Variants in RECQL5 observed in about 807,000 individuals in gnomAD.
RECQL5 encodes RecQ like helicase 5.
RECQL5 carries 88 observed loss-of-function variants against 103.4 expected under a neutral mutation model. The observed-to-expected ratio is 0.85, with a 90% CI of 0.72 to 1.02. The LOEUF is 1.02. Among genes scored for constraint, RECQL5 ranks in the 50% least tolerant of loss-of-function variants. The pLI, the probability that RECQL5 is intolerant of heterozygous loss-of-function variation, is 0.00. For missense variants in RECQL5, 1,232 were observed against 1,284.3 expected (o/e 0.96, Z 0.62); for synonymous variants, 552 against 507.9 (o/e 1.09, Z -1.17).
At chr17:75,655,396 C>G (rs1245188609) in intron 7 of RECQL5, among the ~76,000 whole-genome samples, 1 of 149,098 alleles carries the variant, frequency 6.7e-6, no homozygotes, top group Admixed American at 6.7e-5. Context: ...CAGAGTCTCG[C>G]TCTATCACCC....
intron 8 of RECQL5, chr17:75,650,572 G>A: frequency 6.4e-7 from 1 of 1,557,454 alleles, no homozygotes; most frequent in Non-Finnish European, 8.7e-7. Context: ...TCCATGAGAT[G>A]AGATGAATCC....
At chr17:75,644,828 C>CAA (rs61339782) in intron 8 of RECQL5, among the ~76,000 whole-genome samples, 3,564 of 136,394 alleles carry the variant, frequency 0.026, 73 homozygotes, top group African/African-American at 0.06. Context: ...GACTCTGCCT[C>CAA]AAAAAAAAAA....
At chr17:75,653,678 C>A (rs2059582401) in intron 7 of RECQL5, among the ~76,000 whole-genome samples, 1 of 152,090 alleles carries the variant, frequency 6.6e-6, no homozygotes, top group Non-Finnish European at 1.5e-5. Flanking sequence ...GTAGGTGGAT[C>A]ACTTGAGGTC....
At chr17:75,635,936 A>G (rs2148264398) in intron 8 of RECQL5, 2 of 866,618 alleles carry the variant, frequency 2.3e-6, no homozygotes, top group Non-Finnish European at 2.8e-6. Context: ...GGCCTGCGGG[A>G]TGCCTGCCTG....
chr17:75,633,822 T>C (rs1255461974), intron 8 of RECQL5: 23 of 1,005,082 alleles, frequency 2.3e-5, no homozygotes, highest in Non-Finnish European at 2.7e-5. Context: ...GACTTCTTTC[T>C]TCAGCTCCCA....
chr17:75,633,089 C>A (rs986803229), intron 8 of RECQL5, among the ~76,000 whole-genome samples: 3 of 152,246 alleles, frequency 2.0e-5, no homozygotes, highest in African/African-American at 7.2e-5. Flanking sequence ...GCCGAGGCGG[C>A]CACCAGAGGG....
At position 75,629,351 on chromosome 17, in the gene RECQL5, T is replaced by C. The variant is rs747712708; in HGVS notation, c.2072A>G (p.His691Arg). ...GCCACAGGGCCGGCTCGGGGGCTCG[T>C]GCTCGCCTCCCCGCTCGGGCTGGGG... ...QAPQPERGGEHEPPSRPCGLL... is the reference protein window; with the variant it reads ...QAPQPERGGEREPPSRPCGLL... Residue 691 changes from histidine to arginine, a missense_variant, in exon 16 of 20, where the codon CAC becomes CGC. Coordinates refer to ENST00000317905, the MANE Select transcript of RECQL5 (RefSeq NM_004259.7). 2.6e-6 allele frequency: 4 copies of C among 1,514,462 alleles called. No homozygotes were observed. In the Admixed American group the frequency reaches 8.9e-5, roughly 34 times the overall value. 93.8% of individuals were successfully genotyped at this position (1,514,462 alleles called of 1,614,324 possible).
At chr17:75,663,307 C>A (rs760268243) in intron 3 of RECQL5, among the ~76,000 whole-genome samples, 1 of 151,892 alleles carries the variant, frequency 6.6e-6, no homozygotes, top group Non-Finnish European at 1.5e-5. Context: ...ATACATATAG[C>A]CTAGATGTAA....
intron 7 of RECQL5, among the ~76,000 whole-genome samples, chr17:75,654,625 A>T (rs2059594447): frequency 6.6e-6 from 1 of 151,226 alleles, no homozygotes. Flanking sequence ...TTGTTTATTT[A>T]TTTATTTTTT....
intron 8 of RECQL5, chr17:75,647,376 C>T: frequency 6.5e-7 from 1 of 1,547,472 alleles, no homozygotes; most frequent in East Asian, 2.4e-5. Flanking sequence ...TCCAGATTCT[C>T]ATGGACCAAC....
intron 8 of RECQL5, chr17:75,647,604 G>A (rs762808060): frequency 2.6e-6 from 4 of 1,539,864 alleles, no homozygotes; most frequent in Admixed American, 2.0e-5. Flanking sequence ...CAGGGGAGGC[G>A]AGCTGACCTG....
intron 6 of RECQL5, among the ~76,000 whole-genome samples, chr17:75,659,779 C>T (rs955425589): frequency 2.6e-5 from 4 of 152,158 alleles, no homozygotes; most frequent in South Asian, 2.1e-4. Context: ...AAACATGCTC[C>T]GTAAATCATA....
intron 8 of RECQL5, chr17:75,633,550 C>T (rs1308741999): frequency 7.8e-7 from 1 of 1,280,934 alleles, no homozygotes; most frequent in East Asian, 5.6e-5. Flanking sequence ...CCTTCAGATG[C>T]TGAGCGGCAC....
chr17:75,628,098 C>G, intron 18 of RECQL5, 120 bp downstream of exon 18: 1 of 860,324 alleles, frequency 1.2e-6, no homozygotes, highest in Non-Finnish European at 1.8e-6. Flanking sequence ...CCAGGGAGGA[C>G]GGGCGTGGGG....
Position 75,627,672 on chromosome 17 carries a change from G to A in RECQL5, c.2826C>T (p.Ala942=). ...FASKELFKGF[A]RHLSHLLTQK... Reference sequence around the variant, plus strand: ...GAGTCAGCAAGTGTGAGAGGTGGCGGGCAAAGCCTTTAAACAACTCCTGGA... The same window carrying A: ...GAGTCAGCAAGTGTGAGAGGTGGCGAGCAAAGCCTTTAAACAACTCCTGGA... The change falls in exon 19 of 20, where the codon GCC becomes GCT. Residue 942 remains alanine (A), a synonymous_variant. Transcript: ENST00000317905. The A allele has an allele frequency of 1.9e-6, 3 of 1,609,640 alleles. No homozygotes were observed. The highest frequency in any genetic ancestry group is 2.5e-6 in the Non-Finnish European group (3 of 1,177,878).
Position 75,629,388 on chromosome 17 carries a change from T to G in RECQL5, c.2035A>C (p.Arg679=). 6.6e-7 allele frequency: 1 copy of G among 1,510,460 alleles called. No individual in the cohort carries two copies. The allele number at this position is 1,510,460 out of a possible 1,614,324, so 93.6% of individuals were successfully genotyped here. The change falls in exon 16 of 20, where the codon AGG becomes CGG. Residue 679 remains arginine (R), a synonymous_variant. Coordinates refer to ENST00000317905, the MANE Select transcript of RECQL5 (RefSeq NM_004259.7). The part of the protein sequence containing the change: ...ATELMETTRI[R]EQAPQPERGG... Reference sequence around the variant, plus strand: ...CGCTCGGGCTGGGGGGCTTGCTCCCTGATCCGAGTTGTCTCCATCAGTTCC... The same window carrying G: ...CGCTCGGGCTGGGGGGCTTGCTCCCGGATCCGAGTTGTCTCCATCAGTTCC...
At chr17:75,628,506 C>T (rs2059145987) in intron 17 of RECQL5, 64 bp from the exon 18 acceptor site, 4 of 1,568,438 alleles carry the variant, frequency 2.6e-6, no homozygotes, top group African/African-American at 1.4e-5. Flanking sequence ...TCCCCTCCTC[C>T]AGAAGACTGG....
Position 75,640,158 on chromosome 17 carries a change from C to T in RECQL5, c.1230-8490G>A, listed in dbSNP as rs951349296. The stretch of plus-strand genomic sequence containing the variant: ...TGGAGGCTCCAGGTGTTCTCTCTGC[C>T]CCAGCAGAGCCCGGCAGGAGCCCCA... On this transcript the variant is annotated intron_variant, in intron 8 of 19. Transcript: ENST00000317905. The surrounding 1 kb of genome is among the most constrained non-coding windows in gnomAD (Gnocchi z 4.6). 4 of 1,514,204 alleles carry T rather than the reference C, an allele frequency of 2.6e-6. No individual in the cohort carries two copies. The African/African-American group carries it at 4.2e-5, about 16-fold the overall frequency. The allele number at this position is 1,514,204 out of a possible 1,614,324, so 93.8% of individuals were successfully genotyped here.
chr17:75,663,052 T>C, intron 3 of RECQL5, 55 bp from the exon 4 acceptor site: 1 of 1,503,564 alleles, frequency 6.7e-7, no homozygotes. Context: ...TAAACATCAC[T>C]GCAAGTCCCT....
Sources: allele counts gnomAD v4.1 joint callset (sites outside exome capture counted in the v4.1 genomes callset), GRCh38; gene constraint gnomAD v4.1.1; non-coding constraint Gnocchi (gnomAD v3.1); transcripts MANE v1.5; gene names NCBI Gene and HGNC (gene_info 2026-07-23, HGNC 2026-07-21).